PKIB: variants seen among roughly 807,000 people sequenced by gnomAD.
PKIB encodes PKI-beta.
In PKIB, 2 loss-of-function variants were observed where a neutral mutation model predicts 4.5. The observed-to-expected ratio is 0.44, with a 90% CI of 0.18 to 1.39. The LOEUF (loss-of-function observed/expected upper bound fraction) is 1.39, where lower values mean the gene tolerates loss of function less well. Among genes scored for constraint, PKIB ranks in the 40% most tolerant of loss-of-function variants. The pLI, the probability that PKIB is intolerant of heterozygous loss-of-function variation, is 0.27. For missense variants in PKIB, 94 were observed against 92.6 expected (o/e 1.02, Z -0.06); for synonymous variants, 38 against 36.0 (o/e 1.06, Z -0.20).
intron 2 of PKIB, among the ~76,000 whole-genome samples, chr6:122,660,407 A>G (rs1230970954): frequency 2.0e-5 from 3 of 152,196 alleles, no homozygotes; most frequent in Non-Finnish European, 4.4e-5. Flanking sequence ...GAAAGAGTTA[A>G]ACGTATTCTC....
At chr6:122,594,443 G>T (rs1449565925) in intron 3 of PKIB, among the ~76,000 whole-genome samples, 1 of 152,128 alleles carries the variant, frequency 6.6e-6, no homozygotes, top group Non-Finnish European at 1.5e-5. Flanking sequence ...CTGACCTCAT[G>T]ATCTGCCCGC....
At chr6:122,554,906 T>C (rs1177806636) in intron 2 of PKIB, among the ~76,000 whole-genome samples, 1 of 152,156 alleles carries the variant, frequency 6.6e-6, no homozygotes, top group Admixed American at 6.5e-5. Context: ...AAAAATAAGT[T>C]TCCTCTTAAA....
chr6:122,569,329 A>G (rs1057265944), intron 2 of PKIB, among the ~76,000 whole-genome samples: 1 of 152,190 alleles, frequency 6.6e-6, no homozygotes, highest in Non-Finnish European at 1.5e-5. Context: ...GCTCTTTTAA[A>G]GTGCCATCTC....
intron 3 of PKIB, among the ~76,000 whole-genome samples, chr6:122,698,685 GACAGCTTCT>G (rs978131199): frequency 2.6e-5 from 4 of 152,160 alleles, no homozygotes; most frequent in African/African-American, 9.7e-5. Flanking sequence ...TTTCATTTTG[GACAGCTTCT>G]ACAGCCTTTT....
At chr6:122,618,616 A>G (rs1471248820) in intron 1 of PKIB, among the ~76,000 whole-genome samples, 1 of 152,096 alleles carries the variant, frequency 6.6e-6, no homozygotes, top group Admixed American at 6.6e-5. Context: ...TTTTTAAAAG[A>G]CAAAAAATTA....
intron 3 of PKIB, among the ~76,000 whole-genome samples, chr6:122,700,251 C>CT (rs34063696): frequency 3.2e-5 from 3 of 94,330 alleles, no homozygotes; most frequent in African/African-American, 1.2e-4. Context: ...TCTTTTCTTT[C>CT]TTTTTTTTTT....
At chr6:122,672,681 A>C (rs1777514799) in intron 2 of PKIB, among the ~76,000 whole-genome samples, 2 of 151,992 alleles carry the variant, frequency 1.3e-5, no homozygotes, top group Non-Finnish European at 2.9e-5. Flanking sequence ...AATTATATCT[A>C]TTTATATTTT....
At chr6:122,685,699 A>G (rs1315285351) in intron 3 of PKIB, among the ~76,000 whole-genome samples, 5 of 152,136 alleles carry the variant, frequency 3.3e-5, no homozygotes, top group Non-Finnish European at 5.9e-5. Flanking sequence ...AAATTAAATT[A>G]TTATTGACTA....
At chr6:122,486,351 A>C (rs1775767435) in intron 2 of PKIB, among the ~76,000 whole-genome samples, 1 of 152,160 alleles carries the variant, frequency 6.6e-6, no homozygotes, top group African/African-American at 2.4e-5. Context: ...GGCATTTAAA[A>C]ATATTATGCA....
intron 2 of PKIB, among the ~76,000 whole-genome samples, chr6:122,570,943 A>T (rs983553208): frequency 6.6e-6 from 1 of 152,152 alleles, no homozygotes; most frequent in African/African-American, 2.4e-5. Flanking sequence ...AAGGTTGATT[A>T]TTAAGCTACT....
intron 2 of PKIB, among the ~76,000 whole-genome samples, chr6:122,542,463 G>T (rs550147812): frequency 5.3e-5 from 8 of 152,218 alleles, no homozygotes; most frequent in African/African-American, 1.9e-4. Flanking sequence ...GACTCTGTTT[G>T]CCTGGGTATC....
chr6:122,498,373 C>A (rs1279975441), intron 2 of PKIB, among the ~76,000 whole-genome samples: 1 of 152,182 alleles, frequency 6.6e-6, no homozygotes, highest in African/African-American at 2.4e-5. Flanking sequence ...CCCCATAATT[C>A]AATCACCACT....
chr6:122,475,559 G>C (rs905687451), intron 1 of PKIB, among the ~76,000 whole-genome samples: 5 of 152,166 alleles, frequency 3.3e-5, no homozygotes, highest in African/African-American at 1.2e-4. Context: ...CCTAAGGTGG[G>C]TGGATCACCT....
At chr6:122,701,235 T>C (rs4406266) in intron 3 of PKIB, 141,735 of 479,252 alleles carry the variant, frequency 0.3, 24,855 homozygotes, top group South Asian at 0.54. Context: ...GTGTGGCCAC[T>C]TTCCTTCCCA....
At chr6:122,652,336 A>G (rs3058003) in intron 2 of PKIB, among the ~76,000 whole-genome samples, 9 of 63,662 alleles carry the variant, frequency 1.4e-4, no homozygotes, top group South Asian at 2.4e-3. Context: ...GTGTGTGTGG[A>G]GAGAGAGAGA....
intron 2 of PKIB, among the ~76,000 whole-genome samples, chr6:122,579,798 A>G (rs886452790): frequency 6.6e-6 from 1 of 152,184 alleles, no homozygotes; most frequent in African/African-American, 2.4e-5. Flanking sequence ...AGAAATCTGA[A>G]TTATTCTCAC....
At chr6:122,623,836 AT>A (rs35619999) in intron 1 of PKIB, among the ~76,000 whole-genome samples, 39,237 of 149,268 alleles carry the variant, frequency 0.26, 5,964 homozygotes, top group Non-Finnish European at 0.35. Flanking sequence ...TTTAAGAGTG[AT>A]TTTTTTTTTT....
At chr6:122,513,812 T>TA (rs1776662185) in intron 2 of PKIB, among the ~76,000 whole-genome samples, 1 of 152,230 alleles carries the variant, frequency 6.6e-6, no homozygotes, top group Non-Finnish European at 1.5e-5. Flanking sequence ...CATGACTTCG[T>TA]TCTTTTTAAA....
intron 2 of PKIB, among the ~76,000 whole-genome samples, chr6:122,670,593 T>A (rs563240604): frequency 1.3e-5 from 2 of 152,304 alleles, no homozygotes; most frequent in Admixed American, 1.3e-4. Context: ...TTCTTTATAA[T>A]CTGGTCCTAG....
Sources: gnomAD v4.1 joint callset for allele counts (sites outside exome capture counted in the v4.1 genomes callset) on GRCh38, gnomAD v4.1.1 for gene constraint, MANE v1.5 for transcripts, NCBI Gene and HGNC (gene_info 2026-07-23, HGNC 2026-07-21) for gene names.